MME: variants seen among roughly 807,000 people sequenced by gnomAD.
The protein encoded by MME is neprilysin.
A neutral mutation model predicts 113.2 loss-of-function variants in MME; 98 were observed. The observed-to-expected ratio is 0.87, with a 90% CI of 0.74 to 1.02. The LOEUF is 1.02. Among genes scored for constraint, MME ranks in the 50% least tolerant of loss-of-function variants. The pLI, the probability that MME is intolerant of heterozygous loss-of-function variation, is 0.00. For missense variants in MME, 836 were observed against 896.0 expected (o/e 0.93, Z 0.86); for synonymous variants, 292 against 300.6 (o/e 0.97, Z 0.30).
intron 1 of MME, among the ~76,000 whole-genome samples, chr3:155,036,317 G>T (rs924185524): frequency 6.6e-6 from 1 of 152,138 alleles, no homozygotes; most frequent in Non-Finnish European, 1.5e-5. Context: ...AAAATGTTCA[G>T]TTTGAGAAGT....
intron 1 of MME, among the ~76,000 whole-genome samples, chr3:155,072,167 CAAAAAAA>C (rs71155031): frequency 7.7e-5 from 5 of 65,070 alleles, no homozygotes; most frequent in South Asian, 1.7e-3. Flanking sequence ...GACTCCGTCT[CAAAAAAA>C]AAAAAAAAAA....
chr3:155,179,011 G>A (rs900531475), intron 22 of MME, among the ~76,000 whole-genome samples: 15 of 152,118 alleles, frequency 9.9e-5, no homozygotes, highest in Non-Finnish European at 2.2e-4. Flanking sequence ...TTGTAAATGT[G>A]GTAAGTGCTT....
chr3:155,108,394 G>A (rs968471684), intron 3 of MME, among the ~76,000 whole-genome samples: 6 of 152,008 alleles, frequency 3.9e-5, no homozygotes, highest in Non-Finnish European at 8.8e-5. Flanking sequence ...TCAGGAGTTC[G>A]AGATCAGCCT....
intron 8 of MME, among the ~76,000 whole-genome samples, chr3:155,133,221 T>C (rs1487650992): frequency 6.6e-6 from 1 of 151,514 alleles, no homozygotes; most frequent in East Asian, 1.9e-4. Flanking sequence ...TAACCTTAAG[T>C]TCTGACACCA....
At chr3:155,052,088 A>G (rs1713782388) in intron 1 of MME, among the ~76,000 whole-genome samples, 1 of 152,198 alleles carries the variant, frequency 6.6e-6, no homozygotes, top group Non-Finnish European at 1.5e-5. Flanking sequence ...CTTTGACTCC[A>G]CATCTCATAT....
chr3:155,052,334 A>C (rs776197852), intron 1 of MME, among the ~76,000 whole-genome samples: 6 of 152,048 alleles, frequency 3.9e-5, no homozygotes, highest in Non-Finnish European at 7.4e-5. Flanking sequence ...TTTCTGTGGG[A>C]GCTCCAACCC....
chr3:155,026,004 TTAA>T (rs1712771902), intron 1 of MME, among the ~76,000 whole-genome samples: 2 of 151,876 alleles, frequency 1.3e-5, no homozygotes, highest in South Asian at 4.2e-4. Flanking sequence ...CATAGAAATA[TTAA>T]TAATCCTAAA....
At chr3:155,093,720 G>A (rs1014472523) in intron 3 of MME, among the ~76,000 whole-genome samples, 1 of 152,012 alleles carries the variant, frequency 6.6e-6, no homozygotes, top group Non-Finnish European at 1.5e-5. Context: ...TCTGGGCATG[G>A]TGGTGGACGC....
chr3:155,066,516 T>C (rs868518208), intron 1 of MME, among the ~76,000 whole-genome samples: 83 of 152,320 alleles, frequency 5.4e-4, no homozygotes, highest in African/African-American at 1.8e-3. Context: ...TTGAAAGTAA[T>C]TGAGCTAAAT....
chr3:155,136,536 A>G (rs1055270264), intron 8 of MME, among the ~76,000 whole-genome samples: 8 of 152,224 alleles, frequency 5.3e-5, no homozygotes, highest in African/African-American at 1.7e-4. Flanking sequence ...ACAGCATTAC[A>G]GAGTATCCAT....
At chr3:155,046,556 G>A (rs889335172) in intron 1 of MME, among the ~76,000 whole-genome samples, 1 of 152,132 alleles carries the variant, frequency 6.6e-6, no homozygotes, top group African/African-American at 2.4e-5. Flanking sequence ...TGGGCGTGGT[G>A]GTGGGCACCT....
At chr3:155,144,617 T>G (rs1721370283) in intron 14 of MME, among the ~76,000 whole-genome samples, 160 bp downstream of exon 14, 1 of 152,204 alleles carries the variant, frequency 6.6e-6, no homozygotes, top group Non-Finnish European at 1.5e-5. Context: ...TGGATAAAGA[T>G]ATATTTCTAC....
At chr3:155,063,938 A>G (rs1480409627) in intron 1 of MME, among the ~76,000 whole-genome samples, 3 of 151,678 alleles carry the variant, frequency 2.0e-5, no homozygotes, top group Non-Finnish European at 4.4e-5. Flanking sequence ...AGAGGTAATC[A>G]AGGTTAAATG....
intron 3 of MME, among the ~76,000 whole-genome samples, chr3:155,088,327 T>C (rs1462678640): frequency 6.6e-6 from 1 of 152,062 alleles, no homozygotes; most frequent in African/African-American, 2.4e-5. Flanking sequence ...AGAGGAAATC[T>C]TGGACAAAAG....
intron 3 of MME, among the ~76,000 whole-genome samples, chr3:155,088,918 G>A (rs1218250153): frequency 6.6e-6 from 1 of 152,078 alleles, no homozygotes; most frequent in African/African-American, 2.4e-5. Flanking sequence ...CATAGCAAAT[G>A]TACTTATCTT....
chr3:155,078,219 T>C (rs997242502), upstream of MME, among the ~76,000 whole-genome samples: 2 of 151,896 alleles, frequency 1.3e-5, no homozygotes, highest in African/African-American at 4.8e-5. Context: ...CGAGACTCTG[T>C]AGGAAAAAAA....
At chr3:155,115,278 G>A (rs1718506667) in intron 4 of MME, 123 bp downstream of exon 4, 1 of 1,221,364 alleles carries the variant, frequency 8.2e-7, no homozygotes, top group Admixed American at 1.9e-5. Context: ...AATCCTTCCA[G>A]GATTTGTGTA....
chr3:155,140,129 G>GAAAAA, intron 9 of MME, 62 bp from the exon 10 acceptor site: 1 of 1,124,270 alleles, frequency 8.9e-7, no homozygotes, highest in Non-Finnish European at 1.3e-6. Context: ...ACCCTCATAT[G>GAAAAA]TAGTTATATT....
intron 3 of MME, among the ~76,000 whole-genome samples, chr3:155,095,662 A>T (rs921968644): frequency 6.6e-6 from 1 of 152,118 alleles, no homozygotes; most frequent in Non-Finnish European, 1.5e-5. Flanking sequence ...CAACAGGCAC[A>T]TGCCACCATA....
Sources: gnomAD v4.1 joint callset for allele counts (sites outside exome capture counted in the v4.1 genomes callset) on GRCh38, gnomAD v4.1.1 for gene constraint, MANE v1.5 for transcripts, NCBI Gene and HGNC (gene_info 2026-07-23, HGNC 2026-07-21) for gene names.